Variants in PARP8 observed in about 807,000 individuals in gnomAD.
PARP8 encodes poly(ADP-ribose) polymerase family member 8.
Under a neutral mutation model 124.1 loss-of-function variants are expected in PARP8, and 51 were observed. That is an observed-to-expected ratio of 0.41 (90% CI 0.33 to 0.52). The LOEUF (loss-of-function observed/expected upper bound fraction) is 0.52, where lower values mean the gene tolerates loss of function less well. Among genes scored for constraint, PARP8 ranks in the 20% least tolerant of loss-of-function variants. The probability of loss-of-function intolerance (pLI) is 0.21; values close to 1 mark genes in which losing one functional copy is unlikely to be tolerated. For synonymous variants in PARP8, 391 were observed against 361.5 expected, an observed-to-expected ratio of 1.08 and a Z score of -0.93; for missense variants, 860 against 1,018.9, an observed-to-expected ratio of 0.84 and a Z score of 2.12.
At chr5:50,692,579 G>A (rs1234972736) in intron 2 of PARP8, among the ~76,000 whole-genome samples, 2 of 151,878 alleles carry the variant, frequency 1.3e-5, no homozygotes, top group African/African-American at 4.8e-5. Context: ...ACTCAGTCAA[G>A]GCTTTTGAAT....
chr5:50,773,557 C>G (rs1011276719), intron 7 of PARP8, among the ~76,000 whole-genome samples: 2 of 152,138 alleles, frequency 1.3e-5, no homozygotes, highest in Non-Finnish European at 1.5e-5. Flanking sequence ...TGGTCCCATG[C>G]TGTTTTGGTT....
Position 50,824,956 on chromosome 5 carries a change from G to T in PARP8, c.1909G>T (p.Ala637Ser), listed in dbSNP as rs751879877. 1.2e-6 allele frequency: 2 copies of T among 1,612,694 alleles called. No individual in the cohort carries two copies. Among genetic ancestry groups the T allele is most frequent in the Non-Finnish European group, 1.7e-6 (2 of 1,178,928 alleles). ...KKQMDKQDPL[A>S]HPLLQWVISS... ...GCAAATGGATAAACAGGACCCCCTT[G>T]CTCATCCCTTACTGCAATGGTATAA... The change falls in exon 18 of 26, where the codon GCT (alanine) becomes TCT (serine). Residue 637 changes from alanine to serine, a missense_variant. Transcript: ENST00000281631.
At chr5:50,740,430 A>G (rs890354846) in intron 2 of PARP8, among the ~76,000 whole-genome samples, 2 of 151,884 alleles carry the variant, frequency 1.3e-5, no homozygotes, top group African/African-American at 4.9e-5. Context: ...GAGCATAGAG[A>G]GAACAGTGGA....
In PARP8 at chr5:50,834,949, T is replaced by A; in HGVS notation, c.2396T>A (p.Leu799Gln). The A allele has an allele frequency of 6.2e-7, 1 of 1,613,364 alleles. No individual in the cohort carries two copies. The highest frequency in any genetic ancestry group is 8.5e-7 in the Non-Finnish European group (1 of 1,179,518). The change falls in exon 25 of 26, where the codon CTG (leucine) becomes CAG (glutamine). Residue 799 changes from leucine (L) to glutamine (Q), a missense_variant. By Grantham distance (113) the Leu-to-Gln change is moderately radical. Around this residue, in one of 2 missense-constraint regions of PARP8, gnomAD observed 343 missense variants for 474.7 expected, o/e 0.72. Coordinates refer to ENST00000281631, the MANE Select transcript of PARP8 (RefSeq NM_024615.4). ...TTAACAGTGATCACCTCATCTGACC[T>A]GCACAAACATGGAGAGATATGGGTT... ...ALCEVITSSDLHKHGEIWVVP... is the reference protein window; with the variant it reads ...ALCEVITSSDQHKHGEIWVVP...
intron 2 of PARP8, among the ~76,000 whole-genome samples, chr5:50,670,984 CCT>C (rs1173580209): frequency 1.3e-5 from 2 of 152,154 alleles, no homozygotes; most frequent in Admixed American, 6.5e-5. Context: ...TGATAATCCC[CCT>C]GATTCCCAGA....
chr5:50,801,223 C>G (rs1242242058), intron 14 of PARP8, among the ~76,000 whole-genome samples: 1 of 152,048 alleles, frequency 6.6e-6, no homozygotes, highest in African/African-American at 2.4e-5. Flanking sequence ...GCCTCAGCCT[C>G]CGAGTAGCTG....
chr5:50,667,578 A>G (rs1038198257), intron 1 of PARP8: 5 of 698,716 alleles, frequency 7.2e-6, no homozygotes, highest in Non-Finnish European at 1.3e-5. Flanking sequence ...CCGGGAATGG[A>G]GCCTGCTGCG....
chr5:50,840,875 A>G (rs1748109309), intron 25 of PARP8, among the ~76,000 whole-genome samples: 1 of 151,832 alleles, frequency 6.6e-6, no homozygotes, highest in Admixed American at 6.6e-5. Context: ...ATTTCCATGT[A>G]TATGTAAGTT....
At chr5:50,682,613 G>A (rs1751420776) in intron 2 of PARP8, among the ~76,000 whole-genome samples, 1 of 152,078 alleles carries the variant, frequency 6.6e-6, no homozygotes, top group South Asian at 2.1e-4. Flanking sequence ...ATATATGCTT[G>A]CTTGTGTCCC....
intron 2 of PARP8, among the ~76,000 whole-genome samples, chr5:50,684,223 G>T (rs13164951): frequency 0.9 from 137,194 of 152,188 alleles, 61,899 homozygotes; most frequent in East Asian, 1. Context: ...ATAAAGACTC[G>T]ACTTCTAAAT....
intron 7 of PARP8, among the ~76,000 whole-genome samples, chr5:50,767,175 A>G (rs1024181906): frequency 1.3e-5 from 2 of 152,130 alleles, no homozygotes; most frequent in Non-Finnish European, 2.9e-5. Flanking sequence ...CCAATTCTAT[A>G]TTAACAATAA....
At chr5:50,745,392 G>C (rs1305220254) in intron 2 of PARP8, among the ~76,000 whole-genome samples, 1 of 152,194 alleles carries the variant, frequency 6.6e-6, no homozygotes, top group Non-Finnish European at 1.5e-5. Flanking sequence ...AGCACCTGCT[G>C]TTATGTGTCT....
rs145289070 is a variant in PARP8 at position 50,713,616 on chromosome 5, C to T, written c.147-36535C>T. Among the ~76,000 whole-genome samples, 57 of 151,790 alleles carry T rather than the reference C, an allele frequency of 3.8e-4. 1 individual carries two copies. In the East Asian group the frequency reaches 9.7e-3, roughly 26 times the overall value. ...ATAATGTGGTAGACAGAATAATGGC[C>T]ACCAAGATATCCACATCCTAATCCT... On this transcript the variant is annotated intron_variant, in intron 2 of 25. Coordinates refer to ENST00000281631, the MANE Select transcript of PARP8 (RefSeq NM_024615.4).
intron 2 of PARP8, among the ~76,000 whole-genome samples, chr5:50,728,602 C>G (rs1429815061): frequency 1.3e-5 from 2 of 151,698 alleles, no homozygotes; most frequent in African/African-American, 4.8e-5. Flanking sequence ...TTTTGGCACC[C>G]AAATAAGTCA....
intron 7 of PARP8, among the ~76,000 whole-genome samples, chr5:50,772,715 A>G (rs1761749696): frequency 6.7e-6 from 1 of 150,126 alleles, no homozygotes; most frequent in African/African-American, 2.5e-5. Flanking sequence ...TTTATTTTTG[A>G]GACAAGAGTC....
At chr5:50,705,733 T>C (rs1012913584) in intron 2 of PARP8, among the ~76,000 whole-genome samples, 8 of 151,964 alleles carry the variant, frequency 5.3e-5, no homozygotes, top group Non-Finnish European at 7.4e-5. Context: ...GCAGTGAGCC[T>C]GATCAAGCCA....
intron 9 of PARP8, among the ~76,000 whole-genome samples, chr5:50,786,631 G>T (rs115663191): frequency 6.6e-6 from 1 of 151,708 alleles, no homozygotes; most frequent in Admixed American, 6.6e-5. Context: ...GCCTCCCAAA[G>T]TATTGGGGTT....
intron 2 of PARP8, among the ~76,000 whole-genome samples, chr5:50,683,053 A>T (rs979038979): frequency 3.9e-5 from 6 of 152,118 alleles, no homozygotes; most frequent in Admixed American, 3.9e-4. Context: ...AAAGCATTAG[A>T]ATGGTAGAGT....
Position 50,667,043 on chromosome 5 carries a change from G to C in PARP8, c.-53G>C, listed in dbSNP as rs1338760697. 20 of 1,595,910 alleles carry C rather than the reference G, an allele frequency of 1.3e-5. No homozygotes were observed. The highest frequency in any genetic ancestry group is 3.3e-5 in the Admixed American group (2 of 59,954). ...TTTACGAAAGCTGGAAGCGTGCGAGGGGGGTGGGGTGGGGTGGAAATAGCG... is the reference window on the plus strand; with the variant it reads ...TTTACGAAAGCTGGAAGCGTGCGAGCGGGGTGGGGTGGGGTGGAAATAGCG... On this transcript the variant is annotated 5_prime_UTR_variant, in exon 1 of 26. Transcript: ENST00000281631.
Sources: gnomAD v4.1 joint callset for allele counts (sites outside exome capture counted in the v4.1 genomes callset) on GRCh38, gnomAD v4.1.1 for gene constraint, gnomAD v4.1.1 regional missense constraint, MANE v1.5 for transcripts, NCBI Gene and HGNC (gene_info 2026-07-23, HGNC 2026-07-21) for gene names.